Variants in NEGR1 observed in about 807,000 individuals in gnomAD.
The protein encoded by NEGR1 is IgLON family member 4.
Under a neutral mutation model 40.9 loss-of-function variants are expected in NEGR1, and 10 were observed. The ratio of observed to expected loss-of-function variants is 0.24; its 90% CI spans 0.15 to 0.42. The LOEUF (loss-of-function observed/expected upper bound fraction) is 0.42, where lower values mean the gene tolerates loss of function less well. Ranked by LOEUF, NEGR1 falls within the 10% of genes least tolerant of loss-of-function variation. NEGR1 has a pLI of 1.00. For missense variants in NEGR1, 352 were observed against 438.9 expected (o/e 0.80, Z 1.77); for synonymous variants, 185 against 166.8 (o/e 1.11, Z -0.84).
At chr1:71,827,778 C>T (rs768949708) in intron 2 of NEGR1, among the ~76,000 whole-genome samples, 9 of 151,364 alleles carry the variant, frequency 5.9e-5, no homozygotes, top group African/African-American at 1.2e-4. Flanking sequence ...AACTATACCG[C>T]GAGAGAGACA....
chr1:71,933,599 T>C (rs1645875481), intron 2 of NEGR1, among the ~76,000 whole-genome samples: 1 of 152,064 alleles, frequency 6.6e-6, no homozygotes, highest in Non-Finnish European at 1.5e-5. Flanking sequence ...ATGTGTTTTG[T>C]CTTACAATCT....
At chr1:72,215,003 G>A (rs372979612) in intron 1 of NEGR1, among the ~76,000 whole-genome samples, 25 of 151,978 alleles carry the variant, frequency 1.6e-4, no homozygotes, top group African/African-American at 3.4e-4. Flanking sequence ...CATGGTACTC[G>A]TACCAAAACA....
intron 1 of NEGR1, among the ~76,000 whole-genome samples, chr1:72,251,557 C>A (rs984595264): frequency 6.6e-6 from 1 of 152,088 alleles, no homozygotes; most frequent in African/African-American, 2.4e-5. Flanking sequence ...ATATAACCTA[C>A]CCTCATCCTT....
chr1:72,205,876 G>A (rs1057227290), intron 1 of NEGR1, among the ~76,000 whole-genome samples: 19 of 149,832 alleles, frequency 1.3e-4, no homozygotes, highest in African/African-American at 2.2e-4. Flanking sequence ...CAGGGAGGTC[G>A]AGGCTGCAAT....
intron 1 of NEGR1, among the ~76,000 whole-genome samples, chr1:72,275,328 A>G (rs577358196): frequency 6.6e-6 from 1 of 152,222 alleles, no homozygotes; most frequent in African/African-American, 2.4e-5. Flanking sequence ...TGACTGTAGA[A>G]AAATCTGAGA....
rs1646247858 is a variant in NEGR1, at chr1:71,401,740, T to G, written c.*5706A>C. 6.6e-6 allele frequency: 1 copy of G among 152,172 alleles called. No individual in the cohort carries two copies. The highest frequency in any genetic ancestry group is 2.4e-5 in the African/African-American group (1 of 41,454). The allele number at this position is 152,172 out of a possible 1,614,324, so 9.4% of individuals were successfully genotyped here. A position where few individuals can be genotyped will look rare whatever the true frequency, so the allele number is the denominator to read the frequency against. On this transcript the variant is annotated 3_prime_UTR_variant, in exon 7 of 7. Coordinates refer to ENST00000357731, the MANE Select transcript of NEGR1 (RefSeq NM_173808.3). The stretch of plus-strand genomic sequence containing the variant: ...GATTGCAGATGTCTGAGGAATAGTC[T>G]TAGTGGATTATCCCAAACTTGACAC...
Position 72,029,683 on chromosome 1 carries a change from C to T in NEGR1, c.177-94372G>A, listed in dbSNP as rs186699610. On this transcript the variant is annotated intron_variant, in intron 1 of 6. Transcript: ENST00000357731. ...TACATTGTGCTCCAAAAGTTATATG[C>T]GACAAAATGAAAAAAGAAAACAAAG... 2.6e-4 allele frequency among the ~76,000 whole-genome samples: 39 copies of T among 151,894 alleles called. No individual in the cohort carries two copies. The East Asian group carries it at 7.0e-3, about 27-fold the overall frequency.
rs537745821 is a variant in NEGR1, at chr1:71,451,771, C to T, written c.941-44201G>A. 3.9e-5 allele frequency among the ~76,000 whole-genome samples: 6 copies of T among 152,226 alleles called. No individual in the cohort carries two copies. The East Asian group carries it at 1.2e-3, about 29-fold the overall frequency. ...TTATAAAAGCAAGTATTTAAATTTC[C>T]TCTGAAATAGGATATTTTAAATCTG... On this transcript the variant is annotated intron_variant, in intron 6 of 6. Transcript: ENST00000357731.
chr1:71,855,315 C>T (rs1457584584), intron 2 of NEGR1, among the ~76,000 whole-genome samples: 1 of 151,870 alleles, frequency 6.6e-6, no homozygotes, highest in African/African-American at 2.4e-5. Flanking sequence ...TTTTTTTCAC[C>T]AGTGAGATTA....
At chr1:72,135,422 C>CAAAAAAAAAAAAAAAAAAAA in intron 1 of NEGR1, among the ~76,000 whole-genome samples, 1 of 102,264 alleles carries the variant, frequency 9.8e-6, no homozygotes, top group Non-Finnish European at 1.9e-5. Context: ...AAAACAAAAC[C>CAAAAAAAAAAAAAAAAAAAA]AAAAAAAAAA....
At chr1:71,879,884 T>G (rs553045317) in intron 2 of NEGR1, among the ~76,000 whole-genome samples, 1 of 152,262 alleles carries the variant, frequency 6.6e-6, no homozygotes, top group East Asian at 1.9e-4. Context: ...TTTAGAAACA[T>G]TAAACCAGCT....
In NEGR1 at chr1:72,135,895, C is replaced by T. The variant is rs531529328; in HGVS notation, c.176+146424G>A. Among the ~76,000 whole-genome samples, 8 of 152,324 alleles carry T rather than the reference C, an allele frequency of 5.3e-5. 1 individual carries two copies. In the South Asian group the frequency reaches 1.4e-3, roughly 28 times the overall value. On this transcript the variant is annotated intron_variant, in intron 1 of 6. Transcript: ENST00000357731. Reference sequence around the variant, plus strand: ...AATCTCATAATTCACAAGGCACCTACACATATAATGTTCACAATAGATTTG... The same window carrying T: ...AATCTCATAATTCACAAGGCACCTATACATATAATGTTCACAATAGATTTG...
At chr1:71,514,184 C>T (rs1452357085) in intron 6 of NEGR1, among the ~76,000 whole-genome samples, 1 of 141,492 alleles carries the variant, frequency 7.1e-6, no homozygotes, top group East Asian at 2.1e-4. Context: ...CTTAGGTAAA[C>T]AAAGCAGCCG....
At chr1:71,999,674 TATATACATAC>T (rs1557476791) in intron 1 of NEGR1, among the ~76,000 whole-genome samples, 1 of 52,586 alleles carries the variant, frequency 1.9e-5, no homozygotes, top group African/African-American at 6.2e-5. Context: ...TATATATATA[TATATACATAC>T]ATATTTTTGT....
chr1:72,244,161 A>G (rs1175500840), intron 1 of NEGR1, among the ~76,000 whole-genome samples: 3 of 151,806 alleles, frequency 2.0e-5, no homozygotes, highest in Non-Finnish European at 3.0e-5. Flanking sequence ...GTGATTTCAT[A>G]TATTCCATCA....
At chr1:72,007,680 C>T (rs1020700818) in intron 1 of NEGR1, among the ~76,000 whole-genome samples, 7 of 152,154 alleles carry the variant, frequency 4.6e-5, no homozygotes, top group African/African-American at 1.2e-4. Flanking sequence ...AAATCATTTA[C>T]TATAATTTCT....
At position 71,984,821 on chromosome 1, in the gene NEGR1, T is replaced by G. The variant is rs139167653; in HGVS notation, c.177-49510A>C. Among the ~76,000 whole-genome samples the G allele has an allele frequency of 2.9e-3, 440 of 152,284 alleles. 1 individual carries two copies. Among genetic ancestry groups the G allele is most frequent in the Non-Finnish European group, 5.5e-3 (376 of 68,008 alleles). The stretch of plus-strand genomic sequence containing the variant: ...CAAGGCCAGAATTCTAGGTCTGTCT[T>G]TACTTATTTTTAGCTGTATAAACTT... On this transcript the variant is annotated intron_variant, in intron 1 of 6. Transcript: ENST00000357731.
chr1:71,903,823 A>G (rs77456250), intron 2 of NEGR1, among the ~76,000 whole-genome samples: 1 of 151,336 alleles, frequency 6.6e-6, no homozygotes, highest in Non-Finnish European at 1.5e-5. Flanking sequence ...TTCTCTCTCT[A>G]TTATATATAT....
chr1:71,453,382 C>T (rs1646647114), intron 6 of NEGR1, among the ~76,000 whole-genome samples: 2 of 152,050 alleles, frequency 1.3e-5, no homozygotes, highest in Non-Finnish European at 2.9e-5. Flanking sequence ...ATTAGGTAAG[C>T]TTTGGATATA....
Sources: gnomAD v4.1 joint callset for allele counts (sites outside exome capture counted in the v4.1 genomes callset) on GRCh38, gnomAD v4.1.1 for gene constraint, MANE v1.5 for transcripts, NCBI Gene and HGNC (gene_info 2026-07-23, HGNC 2026-07-21) for gene names.